Variants in DENND1B observed in about 807,000 individuals in gnomAD.
DENND1B encodes DENN domain-containing protein 1B.
In DENND1B, 59 loss-of-function variants were observed where a neutral mutation model predicts 90.1. That is an observed-to-expected ratio of 0.65 (90% CI 0.53 to 0.81). DENND1B has a LOEUF of 0.81. DENND1B is among the 40% of genes least tolerant of loss of function. DENND1B has a pLI of 0.00. For missense variants in DENND1B, 862 were observed against 912.6 expected (o/e 0.94, Z 0.71); for synonymous variants, 337 against 324.6 (o/e 1.04, Z -0.41).
At chr1:197,643,467 T>C (rs1004331034) in intron 9 of DENND1B, among the ~76,000 whole-genome samples, 16 of 152,154 alleles carry the variant, frequency 1.1e-4, no homozygotes, top group Admixed American at 4.6e-4. Flanking sequence ...AGAATCTGTT[T>C]TGTAAACAAA....
Position 197,612,473 on chromosome 1 carries a change from C to T in DENND1B, c.774-497G>A, listed in dbSNP as rs565495736. 2.7e-5 allele frequency among the ~76,000 whole-genome samples: 4 copies of T among 150,646 alleles called. No individual in the cohort carries two copies. In the South Asian group the frequency reaches 8.3e-4, roughly 31 times the overall value. ...TCACCAAATATTTGGATCAGAGGGTCAGTCTGCAAATATCTATCAAGACTT... is the reference window on the plus strand; with the variant it reads ...TCACCAAATATTTGGATCAGAGGGTTAGTCTGCAAATATCTATCAAGACTT... On this transcript the variant is annotated intron_variant, in intron 11 of 22. Coordinates refer to ENST00000620048, the MANE Select transcript of DENND1B (RefSeq NM_001195215.2).
chr1:197,552,798 A>G, intron 16 of DENND1B: 1 of 1,316,700 alleles, frequency 7.6e-7, no homozygotes, highest in Non-Finnish European at 9.6e-7. Flanking sequence ...TATCGAGGCC[A>G]ACAGCTGCCA....
At chr1:197,732,463 T>G (rs993331354) in intron 2 of DENND1B, among the ~76,000 whole-genome samples, 1 of 152,066 alleles carries the variant, frequency 6.6e-6, no homozygotes, top group East Asian at 1.9e-4. Flanking sequence ...ATGGTAAAAG[T>G]GAAACTGGGT....
Position 197,715,592 on chromosome 1 carries a change from A to T in DENND1B, c.83-518T>A, listed in dbSNP as rs562919220. 4.6e-5 allele frequency among the ~76,000 whole-genome samples: 7 copies of T among 152,022 alleles called. No individual in the cohort carries two copies. In the East Asian group the frequency reaches 1.3e-3, roughly 29 times the overall value. ...TGCCTTATATCAGTTTTTAAATCTC[A>T]TATTTGCAGTAATAGATAAGTTGGT... On this transcript the variant is annotated intron_variant, in intron 2 of 22. Coordinates refer to ENST00000620048, the MANE Select transcript of DENND1B (RefSeq NM_001195215.2).
At chr1:197,524,780 T>C (rs1669023334) in intron 20 of DENND1B, among the ~76,000 whole-genome samples, 1 of 152,176 alleles carries the variant, frequency 6.6e-6, no homozygotes, top group Non-Finnish European at 1.5e-5. Context: ...CTCTCCATTA[T>C]GGTATGTCCA....
chr1:197,666,614 T>C (rs529236980), intron 5 of DENND1B, among the ~76,000 whole-genome samples: 1 of 152,242 alleles, frequency 6.6e-6, no homozygotes, highest in Admixed American at 6.5e-5. Context: ...AAAAGTGAGG[T>C]CACTCCTACA....
At chr1:197,701,026 C>T (rs767280619) in intron 3 of DENND1B, among the ~76,000 whole-genome samples, 1 of 152,154 alleles carries the variant, frequency 6.6e-6, no homozygotes, top group Non-Finnish European at 1.5e-5. Flanking sequence ...GTGGTGATTC[C>T]TCAAGGATCT....
At chr1:197,584,574 C>T (rs996215491) in intron 14 of DENND1B, among the ~76,000 whole-genome samples, 6 of 152,080 alleles carry the variant, frequency 3.9e-5, no homozygotes, top group Admixed American at 6.6e-5. Flanking sequence ...GAAGACAATT[C>T]GATAAACTCT....
upstream of DENND1B, among the ~76,000 whole-genome samples, chr1:197,780,253 T>C (rs1278004746): frequency 1.3e-5 from 2 of 151,840 alleles, no homozygotes; most frequent in Admixed American, 6.6e-5. Flanking sequence ...CATAAGACCA[T>C]GATAACAGTT....
rs1219030438 is a variant in DENND1B at position 197,507,058 on chromosome 1, A to G, written c.*3402T>C. The G allele has an allele frequency of 6.6e-6, 1 of 151,124 alleles. No homozygotes were observed. Among genetic ancestry groups the G allele is most frequent in the Non-Finnish European group, 1.5e-5 (1 of 67,526 alleles). The allele number at this position is 151,124 out of a possible 1,614,324, so 9.4% of individuals were successfully genotyped here. A position where few individuals can be genotyped will look rare whatever the true frequency, so the allele number is the denominator to read the frequency against. On this transcript the variant is annotated 3_prime_UTR_variant, in exon 23 of 23. Transcript: ENST00000620048. ...AAATGATACTATGGTTCATACTTAGAGCATGCTTTAAATTAAGCAGCCAGT... is the reference window on the plus strand; with the variant it reads ...AAATGATACTATGGTTCATACTTAGGGCATGCTTTAAATTAAGCAGCCAGT...
At chr1:197,737,852 T>G (rs979288833) in intron 2 of DENND1B, among the ~76,000 whole-genome samples, 5 of 152,210 alleles carry the variant, frequency 3.3e-5, no homozygotes, top group African/African-American at 1.2e-4. Context: ...CTCCCTTTAG[T>G]CTGGTAGAAC....
chr1:197,583,384 G>A lies in DENND1B; in HGVS notation c.1048-131C>T, dbSNP rs369779488. On this transcript the variant is annotated intron_variant, in intron 14 of 22. Transcript: ENST00000620048. ...GAAGCAACAGACCCTTCCTTACACA[G>A]AATAGTTTAGGCTAGTAGAAATATT... 2.1e-3 allele frequency: 1,543 copies of A among 717,914 alleles called. 14 individuals are homozygous for A. Among genetic ancestry groups the A allele is most frequent in the South Asian group, 0.014 (678 of 49,232 alleles). The allele number at this position is 717,914 out of a possible 1,614,324, so 44.5% of individuals were successfully genotyped here.
chr1:197,726,019 T>C (rs548206496), intron 2 of DENND1B, among the ~76,000 whole-genome samples: 119 of 150,352 alleles, frequency 7.9e-4, no homozygotes, highest in Non-Finnish European at 1.5e-3. Context: ...CACACACACA[T>C]ATATATACAC....
chr1:197,738,959 T>C (rs772018907), intron 2 of DENND1B, among the ~76,000 whole-genome samples: 3 of 152,154 alleles, frequency 2.0e-5, no homozygotes, highest in South Asian at 2.1e-4. Context: ...CCAAAGCATC[T>C]AGACTCCACA....
rs1343182245 is a variant in DENND1B at position 197,773,341 on chromosome 1, C to A, written c.18-409G>T. Among the ~76,000 whole-genome samples, 4 of 152,150 alleles carry A rather than the reference C, an allele frequency of 2.6e-5. No individual in the cohort carries two copies. The South Asian group carries it at 6.2e-4, about 24-fold the overall frequency. On this transcript the variant is annotated intron_variant, in intron 1 of 22. Coordinates refer to ENST00000620048, the MANE Select transcript of DENND1B (RefSeq NM_001195215.2). The stretch of plus-strand genomic sequence containing the variant: ...CAGAGTGTCCCTAAGTGTCATTATA[C>A]CCTGCCAACAGAGTTTGACACAGGT...
chr1:197,723,049 T>C (rs1661324153), intron 2 of DENND1B, among the ~76,000 whole-genome samples: 1 of 152,210 alleles, frequency 6.6e-6, no homozygotes, highest in Non-Finnish European at 1.5e-5. Flanking sequence ...TTTCTAAATA[T>C]TTCTAGAAAG....
intron 10 of DENND1B, among the ~76,000 whole-genome samples, chr1:197,626,484 C>G (rs1274392010): frequency 6.6e-6 from 1 of 152,056 alleles, no homozygotes; most frequent in African/African-American, 2.4e-5. Context: ...CCAATGAGAA[C>G]AAAGACACAA....
intron 9 of DENND1B, among the ~76,000 whole-genome samples, chr1:197,644,016 G>A (rs1024386620): frequency 4.6e-5 from 7 of 152,160 alleles, no homozygotes; most frequent in Non-Finnish European, 1.0e-4. Context: ...ATTTCCGGAA[G>A]ATAGAAACTT....
At chr1:197,705,534 A>T (rs1056198753) in intron 3 of DENND1B, among the ~76,000 whole-genome samples, 1 of 152,120 alleles carries the variant, frequency 6.6e-6, no homozygotes, top group Non-Finnish European at 1.5e-5. Flanking sequence ...AAATGAAAAA[A>T]ATCCAAGCTG....
Sources: allele counts gnomAD v4.1 joint callset (sites outside exome capture counted in the v4.1 genomes callset), GRCh38; gene constraint gnomAD v4.1.1; transcripts MANE v1.5; gene names NCBI Gene and HGNC (gene_info 2026-07-23, HGNC 2026-07-21).